Variants in MTA2 observed in about 807,000 individuals in gnomAD.
The protein encoded by MTA2 is metastasis-associated protein MTA2.
In MTA2, 22 loss-of-function variants were observed where a neutral mutation model predicts 87.1. The ratio of observed to expected loss-of-function variants is 0.25; its 90% CI spans 0.18 to 0.36. MTA2 has a LOEUF of 0.36. Among genes scored for constraint, MTA2 ranks in the 10% least tolerant of loss-of-function variants. MTA2 has a pLI of 1.00. For synonymous variants in MTA2, 314 were observed against 310.1 expected (o/e 1.01, Z -0.13); for missense variants, 542 against 853.2 (o/e 0.64, Z 4.54).
rs767887166 is a variant in MTA2 at position 62,597,697 on chromosome 11, C to T, written c.506G>A (p.Arg169Gln). ...DRLVEGESDN[R>Q]NQQKMEMKVW... Reference sequence around the variant, plus strand: ...CTTCATCTCCATCTTCTGCTGGTTCCGATTATCAGATTCTCCTGGGGAAAA... The same window carrying T: ...CTTCATCTCCATCTTCTGCTGGTTCTGATTATCAGATTCTCCTGGGGAAAA... The change falls in exon 7 of 18, where the codon CGG (arginine) becomes CAG (glutamine). Residue 169 changes from arginine to glutamine, a missense_variant. Arg to Gln is a conservative substitution (Grantham distance 43). Around this residue, in one of 6 missense-constraint regions of MTA2, gnomAD observed 150 missense variants for 243.9 expected, o/e 0.62. Transcript: ENST00000278823. The T allele has an allele frequency of 2.7e-5, 44 of 1,613,876 alleles. No homozygotes were observed. Among genetic ancestry groups the T allele is most frequent in the African/African-American group, 6.7e-5 (5 of 74,860 alleles).
rs563968903 is a variant in MTA2 at position 62,595,203 on chromosome 11, A to G, written c.1483+61T>C. ...CCTGTTATTAGACATCCAGAGAAAC[A>G]ACGGTCTCTGGGCAGAGCAATCCGA... On this transcript the variant is annotated intron_variant, in intron 14 of 17. Transcript: ENST00000278823. This position sits in a 1 kb window ranked among gnomAD's most constrained non-coding sequence, Gnocchi z 4.9. 228 of 1,553,312 alleles carry G rather than the reference A, an allele frequency of 1.5e-4. No homozygotes were observed. In the East Asian group the frequency reaches 5.1e-3, roughly 35 times the overall value.
chr11:62,593,757 C>T lies in MTA2; in HGVS notation c.*118G>A. ...CCCAACCCCTCCAGGGACACACACT[C>T]ACTTGCTCTCTTCCTTAATTCACTC... On this transcript the variant is annotated 3_prime_UTR_variant, in exon 18 of 18. Coordinates refer to ENST00000278823, the MANE Select transcript of MTA2 (RefSeq NM_004739.4). 7.6e-7 allele frequency: 1 copy of T among 1,313,062 alleles called. No homozygotes were observed. 81.3% of individuals were successfully genotyped at this position (1,313,062 alleles called of 1,614,324 possible). A position where few individuals can be genotyped will look rare whatever the true frequency, so the allele number is the denominator to read the frequency against.
At position 62,593,722 on chromosome 11, in the gene MTA2, C is replaced by T; in HGVS notation, c.*153G>A. Reference sequence around the variant, plus strand: ...TGAGACAAGTCTCGAGGTGGTAACACCAGAGGGCGCCCAACCCCTCCAGGG... The same window carrying T: ...TGAGACAAGTCTCGAGGTGGTAACATCAGAGGGCGCCCAACCCCTCCAGGG... On this transcript the variant is annotated 3_prime_UTR_variant, in exon 18 of 18. Transcript: ENST00000278823. 1.1e-6 allele frequency: 1 copy of T among 912,344 alleles called. No individual in the cohort carries two copies. Among genetic ancestry groups the T allele is most frequent in the South Asian group, 1.7e-5 (1 of 58,604 alleles). The allele number at this position is 912,344 out of a possible 1,614,324, so 56.5% of individuals were successfully genotyped here. A position where few individuals can be genotyped will look rare whatever the true frequency, so the allele number is the denominator to read the frequency against.
chr11:62,599,957 A>T (rs1828845540), intron 3 of MTA2, among the ~76,000 whole-genome samples: 1 of 152,112 alleles, frequency 6.6e-6, no homozygotes, highest in South Asian at 2.1e-4. Flanking sequence ...TCTCATATAC[A>T]AACCATATTA....
At position 62,601,849 on chromosome 11, in the gene MTA2, G is replaced by A; in HGVS notation, c.-399C>T. 3 of 494,620 alleles carry A rather than the reference G, an allele frequency of 6.1e-6. No homozygotes were observed. The highest frequency in any genetic ancestry group is 1.1e-5 in the Non-Finnish European group (3 of 283,538). The allele number at this position is 494,620 out of a possible 1,614,324, so 30.6% of individuals were successfully genotyped here. A position where few individuals can be genotyped will look rare whatever the true frequency, so the allele number is the denominator to read the frequency against. The stretch of plus-strand genomic sequence containing the variant: ...CTTCCGGAACACCTTCGGCCGATCC[G>A]GAGAACAAGGCCCACTGCTCGGCTC... On this transcript the variant is annotated 5_prime_UTR_variant, in exon 1 of 18. Coordinates refer to ENST00000278823, the MANE Select transcript of MTA2 (RefSeq NM_004739.4).
rs531071685 is a variant in MTA2, at chr11:62,594,401, C to T, written c.1699G>A (p.Gly567Arg). ...MVKRAYETMA[G>R]AGVPFSANGR... The stretch of plus-strand genomic sequence containing the variant: ...TTGGCAGAGAAAGGAACCCCTGCCC[C>T]TGCCATCTGGAAAAGGGGTAGGATG... Residue 567 changes from glycine to arginine, a missense_variant, in exon 17 of 18, where the codon GGG (glycine) becomes AGG (arginine). Transcript: ENST00000278823. 3.1e-6 allele frequency: 5 copies of T among 1,614,060 alleles called. No homozygotes were observed. Among genetic ancestry groups the T allele is most frequent in the Non-Finnish European group, 4.2e-6 (5 of 1,180,048 alleles).
At position 62,598,157 on chromosome 11, in the gene MTA2, G is replaced by A. The variant is rs1348831658; in HGVS notation, c.373-16C>T. 3.1e-6 allele frequency: 5 copies of A among 1,612,342 alleles called. No individual in the cohort carries two copies. The highest frequency in any genetic ancestry group is 1.7e-4 in the Middle Eastern group (1 of 6,016). On this transcript the variant is annotated splice_polypyrimidine_tract_variant and intron_variant, in intron 5 of 17. Coordinates refer to ENST00000278823, the MANE Select transcript of MTA2 (RefSeq NM_004739.4). Reference sequence around the variant, plus strand: ...AAAAGCAGTCCTGGAATTGGGGAGAGACAAGGTAAGCAAGGCAGCAATCCA... The same window carrying A: ...AAAAGCAGTCCTGGAATTGGGGAGAAACAAGGTAAGCAAGGCAGCAATCCA...
chr11:62,594,494 C>T (rs1448941818), intron 16 of MTA2, 22 bp downstream of exon 16: 1 of 1,613,472 alleles, frequency 6.2e-7, no homozygotes, highest in Non-Finnish European at 8.5e-7. Context: ...TCAATCTGGC[C>T]CACCCCTTTC....
At position 62,596,692 on chromosome 11, in the gene MTA2, A is replaced by G; in HGVS notation, c.827T>C (p.Phe276Ser). The G allele has an allele frequency of 6.2e-7, 1 of 1,614,032 alleles. No individual in the cohort carries two copies. Among genetic ancestry groups the G allele is most frequent in the Non-Finnish European group, 8.5e-7 (1 of 1,179,948 alleles). Residue 276 changes from phenylalanine (F) to serine (S), a missense_variant, in exon 9 of 18, where the codon TTT becomes TCT. Phe to Ser is a radical substitution (Grantham distance 155). Transcript: ENST00000278823. The part of the protein sequence containing the change: ...EEWSASEAML[F>S]EEALEKYGKD... ...CCCATACTTCTCTAGGGCCTCCTCA[A>G]ATAGCATGGCCTCTGAGGCTGACCA...
Position 62,598,605 on chromosome 11 carries a change from C to T in MTA2, c.225G>A (p.Val75=). The T allele has an allele frequency of 6.2e-7, 1 of 1,614,124 alleles. No individual in the cohort carries two copies. Among genetic ancestry groups the T allele is most frequent in the South Asian group, 1.1e-5 (1 of 91,082 alleles). Residue 75 remains valine, a synonymous_variant, in exon 4 of 18, where the codon GTG becomes GTA. Coordinates refer to ENST00000278823, the MANE Select transcript of MTA2 (RefSeq NM_004739.4). Reference sequence around the variant, plus strand: ...TCAGTTGATGGCGCTGCTGCTCAGACACCCCTGGCTGCTTTGATTCCTCTT... The same window carrying T: ...TCAGTTGATGGCGCTGCTGCTCAGATACCCCTGGCTGCTTTGATTCCTCTT... The part of the protein sequence containing the change: ...EFEEESKQPG[V]SEQQRHQLKH...
Position 62,593,520 on chromosome 11 carries a change from G to A in MTA2, c.*355C>T, listed in dbSNP as rs1942052614. Reference sequence around the variant, plus strand: ...AACCAGGTACCACCACCTGTTATCTGTTTACTCTTCCCCTCCCCATCCCCT... The same window carrying A: ...AACCAGGTACCACCACCTGTTATCTATTTACTCTTCCCCTCCCCATCCCCT... On this transcript the variant is annotated 3_prime_UTR_variant, in exon 18 of 18. Transcript: ENST00000278823. The A allele has an allele frequency of 6.3e-6, 1 of 158,156 alleles. No individual in the cohort carries two copies. The highest frequency in any genetic ancestry group is 1.3e-5 in the Non-Finnish European group (1 of 77,408). 9.8% of individuals were successfully genotyped at this position (158,156 alleles called of 1,614,324 possible).
chr11:62,599,602 TA>T (rs1227145038), intron 3 of MTA2, among the ~76,000 whole-genome samples: 1 of 116,270 alleles, frequency 8.6e-6, no homozygotes, highest in African/African-American at 3.5e-5. Context: ...ATATGTTTTT[TA>T]AAAAAAGAAG....
chr11:62,601,748 C>G lies in MTA2; in HGVS notation c.-298G>C, dbSNP rs1241598347. ...GAGCCAGGCTCCAGCTACCCCCGCC[C>G]CCGCGGAGTCCCACTAGTCGTTGGG... On this transcript the variant is annotated 5_prime_UTR_variant, in exon 1 of 18. Coordinates refer to ENST00000278823, the MANE Select transcript of MTA2 (RefSeq NM_004739.4). The G allele has an allele frequency of 1.9e-6, 1 of 515,698 alleles. No homozygotes were observed. The highest frequency in any genetic ancestry group is 2.0e-5 in the African/African-American group (1 of 49,172). 31.9% of individuals were successfully genotyped at this position (515,698 alleles called of 1,614,324 possible). A position where few individuals can be genotyped will look rare whatever the true frequency, so the allele number is the denominator to read the frequency against.
In MTA2 at chr11:62,597,741, GGA is replaced by G. The variant is rs748196749; in HGVS notation, c.491-31_491-30del. 8 of 1,582,186 alleles carry G rather than the reference GGA, an allele frequency of 5.1e-6. No individual in the cohort carries two copies. In the East Asian group the frequency reaches 1.3e-4, roughly 27 times the overall value. On this transcript the variant is annotated intron_variant, in intron 6 of 17. Coordinates refer to ENST00000278823, the MANE Select transcript of MTA2 (RefSeq NM_004739.4). The stretch of plus-strand genomic sequence containing the variant: ...GGGAAAAGAACAATGGCATCAACAG[GGA>G]GAGGGCAGGGGGGAACAGTTGGTGT...
Position 62,593,862 on chromosome 11 carries a change from TC to T in MTA2, c.*12del. 6.2e-7 allele frequency: 1 copy of T among 1,613,844 alleles called. No individual in the cohort carries two copies. The highest frequency in any genetic ancestry group is 8.5e-7 in the Non-Finnish European group (1 of 1,179,924). On this transcript the variant is annotated 3_prime_UTR_variant, in exon 18 of 18. Coordinates refer to ENST00000278823, the MANE Select transcript of MTA2 (RefSeq NM_004739.4). Reference sequence around the variant, plus strand: ...CCTCTACCTCTCAGCCCACCTCCCTTCCCCACAGGTGCTCAGTCCTCCAGGA... The same window carrying T: ...CCTCTACCTCTCAGCCCACCTCCCTTCCCACAGGTGCTCAGTCCTCCAGGA...
At chr11:62,597,228 CCTCA>C in intron 8 of MTA2, 84 bp downstream of exon 8, 1 of 886,334 alleles carries the variant, frequency 1.1e-6, no homozygotes, top group Non-Finnish European at 1.8e-6. Flanking sequence ...ACTCCCACTC[CCTCA>C]GAGATACCCT....
rs1332080138 is a variant in MTA2 at position 62,597,654 on chromosome 11, G to A, written c.549C>T (p.Asn183=). 1.2e-6 allele frequency: 2 copies of A among 1,614,182 alleles called. No individual in the cohort carries two copies. The highest frequency in any genetic ancestry group is 1.7e-5 in the Admixed American group (1 of 60,030). The change falls in exon 7 of 18, where the codon AAC becomes AAT. Residue 183 remains asparagine (N), a synonymous_variant. Transcript: ENST00000278823. The stretch of plus-strand genomic sequence containing the variant: ...GGTCGATCTGCCGGTCTGTGAGAGG[G>A]TTGTCTGGGTCCCAGACCTTCATCT... ...KMEMKVWDPD[N]PLTDRQIDQF...
chr11:62,597,444 G>C (rs199964262), intron 7 of MTA2, 29 bp from the exon 8 acceptor site: 2 of 1,594,828 alleles, frequency 1.3e-6, no homozygotes, highest in East Asian at 4.5e-5. Context: ...AGTCAAAAGC[G>C]AAAGAAAAGT....
chr11:62,594,098 G>A, intron 17 of MTA2, 58 bp from the exon 18 acceptor site: 1 of 1,552,610 alleles, frequency 6.4e-7, no homozygotes, highest in Non-Finnish European at 8.7e-7. Context: ...AAGACCTCCA[G>A]GTGAAGCCCC....
Sources: gnomAD v4.1 joint callset for allele counts (sites outside exome capture counted in the v4.1 genomes callset) on GRCh38, gnomAD v4.1.1 for gene constraint, gnomAD v4.1.1 regional missense constraint, Gnocchi (gnomAD v3.1) non-coding constraint, MANE v1.5 for transcripts, NCBI Gene and HGNC (gene_info 2026-07-23, HGNC 2026-07-21) for gene names.